ADGRL3: variants seen among roughly 807,000 people sequenced by gnomAD.
The protein encoded by ADGRL3 is adhesion G protein-coupled receptor L3.
Under a neutral mutation model 153.5 loss-of-function variants are expected in ADGRL3, and 62 were observed. That is an observed-to-expected ratio of 0.40 (90% CI 0.33 to 0.50). The LOEUF (loss-of-function observed/expected upper bound fraction) is 0.50. Among genes scored for constraint, ADGRL3 ranks in the 20% least tolerant of loss-of-function variants. The probability of loss-of-function intolerance (pLI) is 0.47; values close to 1 mark genes in which losing one functional copy is unlikely to be tolerated. For synonymous variants in ADGRL3, 710 were observed against 672.5 expected, an observed-to-expected ratio of 1.06 and a Z score of -0.86; for missense variants, 1,641 against 1,859.4, an observed-to-expected ratio of 0.88 and a Z score of 2.16.
chr4:61,226,996 T>A (rs1351425177), intron 1 of ADGRL3, among the ~76,000 whole-genome samples: 1 of 149,720 alleles, frequency 6.7e-6, no homozygotes, highest in African/African-American at 2.5e-5. Flanking sequence ...TGTAATTTTT[T>A]AGTAATCTTT....
intron 9 of ADGRL3, among the ~76,000 whole-genome samples, chr4:61,843,543 A>G (rs139621942): frequency 1.3e-5 from 2 of 152,316 alleles, no homozygotes; most frequent in East Asian, 1.9e-4. Context: ...AGTAGACTCT[A>G]TGAAGGCAAA....
chr4:61,780,823 GC>G (rs1029415688), intron 8 of ADGRL3, among the ~76,000 whole-genome samples: 5 of 152,190 alleles, frequency 3.3e-5, no homozygotes, highest in African/African-American at 1.2e-4. Context: ...CAGAGATCTT[GC>G]CCATCCTGAA....
At chr4:61,405,612 G>A (rs987316310) in intron 2 of ADGRL3, among the ~76,000 whole-genome samples, 1 of 151,784 alleles carries the variant, frequency 6.6e-6, no homozygotes, top group African/African-American at 2.4e-5. Context: ...AATACAAAAT[G>A]TAAAATTATA....
chr4:61,509,585 T>A (rs2098451937), intron 3 of ADGRL3, among the ~76,000 whole-genome samples: 1 of 152,088 alleles, frequency 6.6e-6, no homozygotes. Context: ...CATTATTTTT[T>A]ATGGCTGCAT....
chr4:61,921,946 A>T (rs2098771787), intron 13 of ADGRL3, among the ~76,000 whole-genome samples: 1 of 152,198 alleles, frequency 6.6e-6, no homozygotes, highest in Admixed American at 6.5e-5. Context: ...GTATCAGCAG[A>T]ACAACTTACC....
In ADGRL3 at chr4:62,070,797, C is replaced by G; in HGVS notation, c.4521C>G (p.Tyr1507Ter). Residue 1507 changes from tyrosine to a stop codon, truncating the protein, a stop_gained, in exon 27 of 27, where the codon TAC becomes TAG. Coordinates refer to ENST00000683033, the MANE Select transcript of ADGRL3 (RefSeq NM_001387552.1). LOFTEE classifies it high-confidence loss of function. ...ACCACGTCCATCAGCTGCATACTTA[C>G]TACCAGCTAGGTCGCGGCAGCAGTG... ...SRNHVHQLHT[Y>*]YQLGRGSSDG... The G allele has an allele frequency of 1.3e-6, 2 of 1,551,708 alleles. No individual in the cohort carries two copies. Among genetic ancestry groups the G allele is most frequent in the African/African-American group, 2.7e-5 (2 of 73,160 alleles).
intron 2 of ADGRL3, among the ~76,000 whole-genome samples, chr4:61,445,595 T>C (rs1276784389): frequency 6.6e-6 from 1 of 152,172 alleles, no homozygotes; most frequent in Non-Finnish European, 1.5e-5. Flanking sequence ...GTTGCTATTA[T>C]AGTAATACCA....
intron 2 of ADGRL3, among the ~76,000 whole-genome samples, chr4:61,490,532 G>A (rs943960609): frequency 1.3e-5 from 2 of 152,046 alleles, no homozygotes; most frequent in Non-Finnish European, 2.9e-5. Context: ...TATTAAAGAA[G>A]ATGATTGAAA....
intron 8 of ADGRL3, among the ~76,000 whole-genome samples, chr4:61,813,035 C>T (rs928751071): frequency 6.6e-6 from 1 of 152,046 alleles, no homozygotes. Context: ...ACATTGGGTG[C>T]CAGTCTGCAG....
intron 1 of ADGRL3, among the ~76,000 whole-genome samples, chr4:61,243,969 T>C (rs1756039856): frequency 1.3e-5 from 2 of 152,080 alleles, no homozygotes; most frequent in Non-Finnish European, 2.9e-5. Flanking sequence ...AAGAAACGTT[T>C]CTATAGTGAT....
intron 9 of ADGRL3, among the ~76,000 whole-genome samples, chr4:61,840,287 C>A (rs150270626): frequency 6.6e-6 from 1 of 152,088 alleles, no homozygotes; most frequent in African/African-American, 2.4e-5. Context: ...ACCAGGTTGG[C>A]CAGTGTGGTC....
intron 1 of ADGRL3, among the ~76,000 whole-genome samples, chr4:61,278,343 A>C (rs1295065299): frequency 6.6e-6 from 1 of 152,156 alleles, no homozygotes; most frequent in South Asian, 2.1e-4. Context: ...TTTTGAGCAA[A>C]AATAATTAAT....
intron 10 of ADGRL3, among the ~76,000 whole-genome samples, chr4:61,894,428 G>A (rs1272195525): frequency 6.6e-6 from 1 of 152,112 alleles, no homozygotes; most frequent in Admixed American, 6.6e-5. Flanking sequence ...TTAGGAAAAA[G>A]AGGGAGAATC....
At chr4:61,520,680 G>T (rs1041142449) in intron 4 of ADGRL3, among the ~76,000 whole-genome samples, 3 of 148,518 alleles carry the variant, frequency 2.0e-5, no homozygotes, top group Non-Finnish European at 4.5e-5. Flanking sequence ...GTGTGTGTGT[G>T]TGTGTCTGTC....
chr4:61,972,215 G>A (rs547374918), intron 17 of ADGRL3, among the ~76,000 whole-genome samples: 1 of 152,188 alleles, frequency 6.6e-6, no homozygotes, highest in Non-Finnish European at 1.5e-5. Flanking sequence ...TGGTGTTTTA[G>A]ACATGAAGTC....
intron 14 of ADGRL3, 74 bp downstream of exon 14, chr4:61,935,097 T>G: frequency 7.8e-7 from 1 of 1,289,434 alleles, no homozygotes; most frequent in African/African-American, 1.5e-5. Flanking sequence ...AAAGTATCTC[T>G]GGTGTCCTAG....
intron 6 of ADGRL3, among the ~76,000 whole-genome samples, chr4:61,678,692 T>C (rs1264425805): frequency 6.6e-6 from 1 of 151,946 alleles, no homozygotes; most frequent in Non-Finnish European, 1.5e-5. Flanking sequence ...CTTAGAAATA[T>C]TATATCAAAA....
At chr4:61,710,407 C>A (rs1036837604) in intron 6 of ADGRL3, among the ~76,000 whole-genome samples, 6 of 152,102 alleles carry the variant, frequency 3.9e-5, no homozygotes, top group African/African-American at 1.4e-4. Flanking sequence ...TTTGGAATGT[C>A]CCTTATTCTC....
chr4:61,420,478 C>G (rs1315183942), intron 2 of ADGRL3: 2 of 138,038 alleles, frequency 1.4e-5, no homozygotes, highest in Non-Finnish European at 3.0e-5. Context: ...GCCATCTCGT[C>G]TCACTGAAAG....
Sources: allele counts gnomAD v4.1 joint callset (sites outside exome capture counted in the v4.1 genomes callset), GRCh38; gene constraint gnomAD v4.1.1; transcripts MANE v1.5; gene names NCBI Gene and HGNC (gene_info 2026-07-23, HGNC 2026-07-21).